The following LAMB3 variants were observed in gnomAD, a reference collection of about 807,000 sequenced individuals.
LAMB3 encodes laminin subunit beta-3.
In LAMB3, 104 loss-of-function variants were observed where a neutral mutation model predicts 140.3. The ratio of observed to expected loss-of-function variants is 0.74; its 90% CI spans 0.63 to 0.87. The LOEUF (loss-of-function observed/expected upper bound fraction) is 0.87, where lower values mean the gene tolerates loss of function less well. Ranked by LOEUF, LAMB3 falls within the 40% of genes least tolerant of loss-of-function variation. LAMB3 has a pLI of 0.00. For synonymous variants in LAMB3, 592 were observed against 602.9 expected (o/e 0.98, Z 0.26); for missense variants, 1,531 against 1,575.2 (o/e 0.97, Z 0.47).
intron 3 of LAMB3, 99 bp from the exon 4 acceptor site, chr1:209,638,747 G>T: frequency 1.3e-6 from 1 of 754,450 alleles, no homozygotes; most frequent in South Asian, 1.5e-5. Flanking sequence ...TGGAAATCCT[G>T]CCCTTAGGAA....
At chr1:209,640,578 G>A (rs2076459942) in intron 3 of LAMB3, among the ~76,000 whole-genome samples, 1 of 151,152 alleles carries the variant, frequency 6.6e-6, no homozygotes, top group Non-Finnish European at 1.5e-5. Context: ...ATAAAATAAA[G>A]TAGCACCCAT....
Position 209,623,827 on chromosome 1 carries a change from C to T in LAMB3, c.2137+13G>A. 1.2e-6 allele frequency: 2 copies of T among 1,614,152 alleles called. No homozygotes were observed. Among genetic ancestry groups the T allele is most frequent in the African/African-American group, 1.3e-5 (1 of 75,048 alleles). On this transcript the variant is annotated intron_variant, in intron 15 of 22. Transcript: ENST00000356082. The surrounding 1 kb of genome is among the most constrained non-coding windows in gnomAD (Gnocchi z 4.2). Reference sequence around the variant, plus strand: ...GCCCATGCCCGGGGTTATCCGGGTGCCCCTCTCCTCACCTGAAGGATCAGC... The same window carrying T: ...GCCCATGCCCGGGGTTATCCGGGTGTCCCTCTCCTCACCTGAAGGATCAGC...
rs1000530933 is a variant in LAMB3, at chr1:209,615,122, A to G, written c.*149T>C. 4.5e-6 allele frequency: 4 copies of G among 898,824 alleles called. No individual in the cohort carries two copies. The Admixed American group carries it at 8.5e-5, about 19-fold the overall frequency. 55.7% of individuals were successfully genotyped at this position (898,824 alleles called of 1,614,324 possible). The stretch of plus-strand genomic sequence containing the variant: ...TCAGGCTCAGCTGCAGCTCAGGGTA[A>G]TCTTACTAGCTACACACCAGGGGTG... On this transcript the variant is annotated 3_prime_UTR_variant, in exon 23 of 23. Transcript: ENST00000356082.
At chr1:209,636,370 T>TC (rs1170195649) in intron 5 of LAMB3, among the ~76,000 whole-genome samples, 2 of 152,152 alleles carry the variant, frequency 1.3e-5, no homozygotes, top group African/African-American at 4.8e-5. Context: ...TTGTCAGATA[T>TC]CCCCTGGGGG....
rs760472886 is a variant in LAMB3, at chr1:209,630,622, T to C, written c.936A>G (p.Glu312=). 2 of 1,614,146 alleles carry C rather than the reference T, an allele frequency of 1.2e-6. No homozygotes were observed. The highest frequency in any genetic ancestry group is 1.1e-5 in the South Asian group (1 of 91,068). ...GTGATCCAAAGCTCCTACTTTGGCA[T>C]TCATGGGCGTCCTGGCCCTCCGCCG... ...WRPAEGQDAH[E]CQRCDCNGHS... Residue 312 remains glutamate (E), a synonymous_variant, in exon 9 of 23, where the codon GAA becomes GAG. Coordinates refer to ENST00000356082, the MANE Select transcript of LAMB3 (RefSeq NM_000228.3).
chr1:209,618,101 T>G, intron 19 of LAMB3, 53 bp from the exon 20 acceptor site: 1 of 1,609,304 alleles, frequency 6.2e-7, no homozygotes, highest in South Asian at 1.1e-5. Context: ...GAACAGTGAA[T>G]CAATGTGTGG....
At chr1:209,625,580 C>T in intron 14 of LAMB3, 68 bp downstream of exon 14, 2 of 1,580,902 alleles carry the variant, frequency 1.3e-6, no homozygotes, top group East Asian at 2.2e-5. Flanking sequence ...AAGGAAGGAC[C>T]AGCATGCCCG....
Position 209,625,642 on chromosome 1 carries a change from A to T in LAMB3, c.1976+6T>A. ...TTGCAAATGCTTGGCAGGGAAAGGG[A>T]ATTACCTGAGGGAGAGGATGGCACT... On this transcript the variant is annotated splice_donor_region_variant and intron_variant, in intron 14 of 22. Transcript: ENST00000356082. 6.2e-7 allele frequency: 1 copy of T among 1,614,094 alleles called. No homozygotes were observed. Among genetic ancestry groups the T allele is most frequent in the Non-Finnish European group, 8.5e-7 (1 of 1,180,018 alleles).
intron 3 of LAMB3, among the ~76,000 whole-genome samples, chr1:209,647,454 C>T (rs541070256): frequency 1.2e-4 from 19 of 152,318 alleles, no homozygotes; most frequent in African/African-American, 3.6e-4. Flanking sequence ...CATAAATCTC[C>T]ACCCCATTGT....
In LAMB3 at chr1:209,625,794, C is replaced by A; in HGVS notation, c.1830G>T (p.Trp610Cys). The change falls in exon 14 of 23, where the codon TGG becomes TGT. Residue 610 changes from tryptophan to cysteine, a missense_variant. By Grantham distance (215) the Trp-to-Cys change is radical (BLOSUM62 -2). Coordinates refer to ENST00000356082, the MANE Select transcript of LAMB3 (RefSeq NM_000228.3). Reference protein sequence around the residue: ...GRLRNATASLWSGPGLEDRGL... With the variant: ...GRLRNATASLCSGPGLEDRGL... ...CACGGTCCTCCAGCCCAGGCCCTGA[C>A]CACAGGCTGGCGGTGGCATTGCGGA... 1 of 1,614,178 alleles carries A rather than the reference C, an allele frequency of 6.2e-7. No homozygotes were observed. The highest frequency in any genetic ancestry group is 8.5e-7 in the Non-Finnish European group (1 of 1,180,038).
At chr1:209,649,192 C>T (rs542265648) in intron 3 of LAMB3, among the ~76,000 whole-genome samples, 3 of 152,304 alleles carry the variant, frequency 2.0e-5, no homozygotes, top group South Asian at 2.1e-4. Flanking sequence ...CAGATAACCC[C>T]GGTCTCTTTC....
intron 10 of LAMB3, among the ~76,000 whole-genome samples, chr1:209,628,423 C>T (rs368843847): frequency 4.6e-5 from 7 of 152,186 alleles, no homozygotes; most frequent in Non-Finnish European, 8.8e-5. Flanking sequence ...AATGGCTGTG[C>T]GCGGTGGCTC....
chr1:209,627,339 C>A (rs1181510483), intron 12 of LAMB3, 44 bp downstream of exon 12: 7 of 1,525,586 alleles, frequency 4.6e-6, no homozygotes, highest in African/African-American at 4.1e-5. Context: ...TGCTCAGGAC[C>A]CCCCTCCCAC....
At chr1:209,625,569 T>A (rs1047984805) in intron 14 of LAMB3, 79 bp downstream of exon 14, 2 of 1,547,720 alleles carry the variant, frequency 1.3e-6, no homozygotes, top group African/African-American at 2.7e-5. Flanking sequence ...TGTACAAATG[T>A]AAGGAAGGAC....
intron 3 of LAMB3, among the ~76,000 whole-genome samples, chr1:209,644,594 C>T (rs1052372633): frequency 2.6e-5 from 4 of 152,028 alleles, no homozygotes; most frequent in Admixed American, 6.5e-5. Context: ...ACTACCTGTG[C>T]TGTTCTTTTT....
rs756826356 is a variant in LAMB3 at position 209,623,064 on chromosome 1, G to T, written c.2474C>A (p.Ala825Asp). Reference sequence around the variant, plus strand: ...CCCCGCCATCAAGAAGGCCCCACCGGCCCTGGGAAGGACACCCCTGCAGCG... The same window carrying T: ...CCCCGCCATCAAGAAGGCCCCACCGTCCCTGGGAAGGACACCCCTGCAGCG... The part of the protein sequence containing the change: ...GSRCRGVLPR[A>D]GGAFLMAGQV... The change falls in exon 17 of 23, where the codon GCC becomes GAC. Residue 825 changes from alanine to aspartate, a missense_variant. Coordinates refer to ENST00000356082, the MANE Select transcript of LAMB3 (RefSeq NM_000228.3). The surrounding 1 kb of genome is among the most constrained non-coding windows in gnomAD (Gnocchi z 4.2). 1 of 1,614,180 alleles carries T rather than the reference G, an allele frequency of 6.2e-7. No homozygotes were observed. Among genetic ancestry groups the T allele is most frequent in the Admixed American group, 1.7e-5 (1 of 60,032 alleles).
rs1666094003 is a variant in LAMB3 at position 209,618,981 on chromosome 1, A to T, written c.2702-322T>A. ...AAGGAGGTGGTGCCAGACAGCTGGT[A>T]CTGAACAATGCCTGCAGCACATGCA... is the stretch of plus-strand genomic sequence containing the variant. On this transcript the variant is annotated intron_variant, in intron 18 of 22. Coordinates refer to ENST00000356082, the MANE Select transcript of LAMB3 (RefSeq NM_000228.3). Among the ~76,000 whole-genome samples, 3 of 152,350 alleles carry T rather than the reference A, an allele frequency of 2.0e-5. No homozygotes were observed. In the South Asian group the frequency reaches 6.2e-4, roughly 32 times the overall value.
At chr1:209,618,369 T>G in intron 19 of LAMB3, 83 bp downstream of exon 19, 1 of 1,377,574 alleles carries the variant, frequency 7.3e-7, no homozygotes, top group Non-Finnish European at 1.0e-6. Flanking sequence ...CAGCCCTCTG[T>G]ACCCCTCTCC....
At position 209,627,406 on chromosome 1, in the gene LAMB3, A is replaced by T; in HGVS notation, c.1462T>A (p.Ser488Thr). 6.2e-7 allele frequency: 1 copy of T among 1,613,494 alleles called. No homozygotes were observed. Among genetic ancestry groups the T allele is most frequent in the South Asian group, 1.1e-5 (1 of 91,066 alleles). ...CEPCACDPHN[S>T]LSPQCNQFTG... The stretch of plus-strand genomic sequence containing the variant: ...ACCTGGTTGCACTGTGGGCTGAGGG[A>T]GTTGTGCGGGTCGCAGGCACACGGT... The change falls in exon 12 of 23, where the codon TCC (serine) becomes ACC (threonine). Residue 488 changes from serine (S) to threonine (T), a missense_variant. Ser to Thr is a moderately conservative substitution (Grantham distance 58). Transcript: ENST00000356082.
Sources: gnomAD v4.1 joint callset for allele counts (sites outside exome capture counted in the v4.1 genomes callset) on GRCh38, gnomAD v4.1.1 for gene constraint, Gnocchi (gnomAD v3.1) non-coding constraint, MANE v1.5 for transcripts, NCBI Gene and HGNC (gene_info 2026-07-23, HGNC 2026-07-21) for gene names.